Variants in CORO7 observed in about 807,000 individuals in gnomAD.
The protein encoded by CORO7 is coronin 7.
A neutral mutation model predicts 126.6 loss-of-function variants in CORO7; 107 were observed. The ratio of observed to expected loss-of-function variants is 0.85; its 90% CI spans 0.72 to 0.99. The LOEUF (loss-of-function observed/expected upper bound fraction) is 0.99, where lower values mean the gene tolerates loss of function less well. Ranked by LOEUF, CORO7 falls within the 50% of genes least tolerant of loss-of-function variation. The pLI, the probability that CORO7 is intolerant of heterozygous loss-of-function variation, is 0.00. For synonymous variants in CORO7, 603 were observed against 536.8 expected, an observed-to-expected ratio of 1.12 and a Z score of -1.70; for missense variants, 1,314 against 1,255.8, an observed-to-expected ratio of 1.05 and a Z score of -0.70.
chr16:4,387,598 C>T (rs755926074), intron 9 of CORO7, among the ~76,000 whole-genome samples: 9 of 150,962 alleles, frequency 6.0e-5, no homozygotes, highest in Non-Finnish European at 1.0e-4. Context: ...CACGTCCACC[C>T]TCCTATCATA....
intron 1 of CORO7, among the ~76,000 whole-genome samples, chr16:4,414,580 C>G (rs1332229902): frequency 6.6e-6 from 1 of 152,242 alleles, no homozygotes; most frequent in South Asian, 2.1e-4. Context: ...ATTATTTCTC[C>G]CTCCTGATTC....
chr16:4,373,411 G>T (rs756599141), intron 9 of CORO7, among the ~76,000 whole-genome samples: 1 of 152,164 alleles, frequency 6.6e-6, no homozygotes, highest in Non-Finnish European at 1.5e-5. Context: ...CTGTGGGTCC[G>T]GAGGGTCAGA....
chr16:4,381,793 C>T, intron 9 of CORO7: 7 of 1,600,580 alleles, frequency 4.4e-6, no homozygotes, highest in Non-Finnish European at 5.9e-6. Context: ...CGTGTGCCCC[C>T]TGAGCTGGTT....
In CORO7 at chr16:4,390,121, C is replaced by T. The variant is rs145561253; in HGVS notation, c.616-1490G>A. Among the ~76,000 whole-genome samples the T allele has an allele frequency of 1.1e-3, 166 of 152,306 alleles. 1 individual carries two copies. The highest frequency in any genetic ancestry group is 3.4e-3 in the African/African-American group (142 of 41,566). On this transcript the variant is annotated intron_variant, in intron 7 of 27. Coordinates refer to ENST00000251166, the MANE Select transcript of CORO7 (RefSeq NM_024535.5). Reference sequence around the variant, plus strand: ...AGGTAGATGTAGGCCAAAGAGAAATCAGTGTGTCATTCCCTGTGACTATGC... The same window carrying T: ...AGGTAGATGTAGGCCAAAGAGAAATTAGTGTGTCATTCCCTGTGACTATGC...
chr16:4,402,754 G>A (rs116097043), intron 6 of CORO7, among the ~76,000 whole-genome samples: 109 of 152,350 alleles, frequency 7.2e-4, no homozygotes, highest in African/African-American at 2.5e-3. Flanking sequence ...GGCTGCAGAG[G>A]CCGCGTCCTC....
chr16:4,415,943 C>A (rs1403218181), intron 1 of CORO7: 1 of 967,500 alleles, frequency 1.0e-6, no homozygotes, highest in East Asian at 1.1e-4. Context: ...CGGCGGAAAC[C>A]CGAGGGAGGG....
At chr16:4,382,387 C>T (rs1251622090) in intron 9 of CORO7, 3 of 1,612,284 alleles carry the variant, frequency 1.9e-6, no homozygotes, top group East Asian at 2.2e-5. Flanking sequence ...CCTATCGGGC[C>T]CTGATAAGCG....
In CORO7 at chr16:4,362,614, A is replaced by G. The variant is rs374326747; in HGVS notation, c.1400T>C (p.Leu467Pro). 37 of 1,557,706 alleles carry G rather than the reference A, an allele frequency of 2.4e-5. No homozygotes were observed. The highest frequency in any genetic ancestry group is 3.2e-5 in the Non-Finnish European group (37 of 1,155,070). Residue 467 changes from leucine to proline, a missense_variant and splice_region_variant, in exon 15 of 28, where the codon CTG (leucine) becomes CCG (proline). By Grantham distance (98) the Leu-to-Pro change is moderately conservative. Coordinates refer to ENST00000251166, the MANE Select transcript of CORO7 (RefSeq NM_024535.5). This position sits in a 1 kb window ranked among gnomAD's most constrained non-coding sequence, Gnocchi z 5.3. The part of the protein sequence containing the change: ...SPSLRSLQSL[L>P]GPSSKFRHAQ... ...AGCTCCCCGTCCTGCCTCCTTACCC[A>G]GCAGGCTCTGCAGCGACCTCAAACT...
At chr16:4,412,574 C>A (rs948188816) in intron 2 of CORO7, 144 bp from the exon 3 acceptor site, 8 of 781,078 alleles carry the variant, frequency 1.0e-5, no homozygotes, top group Admixed American at 2.6e-5. Context: ...ATCCTCTGCA[C>A]GTAGCAATGG....
In CORO7 at chr16:4,362,693, G is replaced by A; in HGVS notation, c.1321C>T (p.Pro441Ser). The change falls in exon 15 of 28, where the codon CCC (proline) becomes TCC (serine). Residue 441 changes from proline (P) to serine (S), a missense_variant. Transcript: ENST00000251166. This position sits in a 1 kb window ranked among gnomAD's most constrained non-coding sequence, Gnocchi z 5.3. ...GAGAGTGAGGGCCCCAGGCTGGAGG[G>A]CGTGGAGGGCGAGGTCAGCGAACTG... Reference protein sequence around the residue: ...PPSSLTSPSTPSSLGPSLSST... With the variant: ...PPSSLTSPSTSSSLGPSLSST... 6.8e-7 allele frequency: 1 copy of A among 1,473,186 alleles called. No homozygotes were observed. Among genetic ancestry groups the A allele is most frequent in the Non-Finnish European group, 9.0e-7 (1 of 1,110,848 alleles). The allele number at this position is 1,473,186 out of a possible 1,614,324, so 91.3% of individuals were successfully genotyped here.
rs756275116 is a variant in CORO7 at position 4,412,449 on chromosome 16, G to A, written c.158-19C>T. Reference sequence around the variant, plus strand: ...AGTACACCTGTTAAACAAACACGGGGACTCTGACTTCAGGCCCCACAGGGC... The same window carrying A: ...AGTACACCTGTTAAACAAACACGGGAACTCTGACTTCAGGCCCCACAGGGC... On this transcript the variant is annotated intron_variant, in intron 2 of 27. Transcript: ENST00000251166. The A allele has an allele frequency of 1.1e-4, 170 of 1,613,846 alleles. No homozygotes were observed. The highest frequency in any genetic ancestry group is 1.3e-4 in the Non-Finnish European group (156 of 1,179,916).
At position 4,407,633 on chromosome 16, in the gene CORO7, C is replaced by T. The variant is rs200673105; in HGVS notation, c.355G>A (p.Gly119Arg). 3.7e-5 allele frequency: 59 copies of T among 1,608,930 alleles called. No homozygotes were observed. In the East Asian group the frequency reaches 6.5e-4, roughly 18 times the overall value. ...GPGQALPSAP[G>R]VVLGPEDLPV... ...AGGTCCTCGGGGCCCAGCACCACCC[C>T]GGGTGCTGAGGGCAGGGCCTGGCCA... The change falls in exon 5 of 28, where the codon GGG becomes AGG. Residue 119 changes from glycine to arginine, a missense_variant. By Grantham distance (125) the Gly-to-Arg change is moderately radical. Coordinates refer to ENST00000251166, the MANE Select transcript of CORO7 (RefSeq NM_024535.5).
intron 1 of CORO7, chr16:4,414,217 A>G (rs971411251): frequency 5.3e-5 from 8 of 152,028 alleles, no homozygotes; most frequent in South Asian, 2.1e-4. Context: ...AGAAAATGCA[A>G]AATGTGGCCA....
chr16:4,379,206 C>T (rs906986224), intron 9 of CORO7, among the ~76,000 whole-genome samples: 3 of 152,102 alleles, frequency 2.0e-5, no homozygotes, highest in African/African-American at 4.8e-5. Flanking sequence ...AGGGGAAGCC[C>T]GGACTCCAGC....
chr16:4,382,128 G>A (rs778176646), intron 9 of CORO7: 2 of 1,589,482 alleles, frequency 1.3e-6, no homozygotes, highest in Admixed American at 1.7e-5. Flanking sequence ...GCCTCAATGG[G>A]GGCACATGCC....
At chr16:4,396,913 G>T (rs1287389116) in intron 6 of CORO7, among the ~76,000 whole-genome samples, 5 of 151,258 alleles carry the variant, frequency 3.3e-5, no homozygotes, top group Non-Finnish European at 7.4e-5. Flanking sequence ...CTACTCAGGG[G>T]GCGGAGGCAG....
At chr16:4,410,583 A>G (rs1596341789) in intron 3 of CORO7, among the ~76,000 whole-genome samples, 1 of 152,230 alleles carries the variant, frequency 6.6e-6, no homozygotes, top group Non-Finnish European at 1.5e-5. Flanking sequence ...CTGAGATTAG[A>G]TGAGAACAGA....
Position 4,361,186 on chromosome 16 carries a change from T to C in CORO7, c.1750A>G (p.Thr584Ala), listed in dbSNP as rs1429169307. Residue 584 changes from threonine to alanine, a missense_variant, in exon 18 of 28, where the codon ACC becomes GCC. Thr to Ala is a moderately conservative substitution (Grantham distance 58). Transcript: ENST00000251166. ...CCTGTGAGCACAGTCTCTGGCGTGG[T>C]GAGCACCTCTTCCAGGCCCTCTGCG... ...VPAEGLEEVL[T>A]TPETVLTGHT... is the part of the protein sequence containing the mutation. The C allele has an allele frequency of 6.2e-7, 1 of 1,612,688 alleles. No individual in the cohort carries two copies. The highest frequency in any genetic ancestry group is 1.1e-5 in the South Asian group (1 of 91,074).
chr16:4,372,201 C>T (rs1375435756), intron 9 of CORO7, among the ~76,000 whole-genome samples: 3 of 152,116 alleles, frequency 2.0e-5, no homozygotes, highest in Non-Finnish European at 2.9e-5. Context: ...AGCCCCGCGG[C>T]CGGCCAGGGT....
Sources: allele counts gnomAD v4.1 joint callset (sites outside exome capture counted in the v4.1 genomes callset), GRCh38; gene constraint gnomAD v4.1.1; non-coding constraint Gnocchi (gnomAD v3.1); transcripts MANE v1.5; gene names NCBI Gene and HGNC (gene_info 2026-07-23, HGNC 2026-07-21).